The following TAOK1 variants were observed in gnomAD, a reference collection of about 807,000 sequenced individuals.
TAOK1 encodes TAO kinase 1, also known as serine/threonine-protein kinase TAO1.
TAOK1 carries 21 observed loss-of-function variants against 138.3 expected under a neutral mutation model. The observed-to-expected ratio is 0.15, with a 90% CI of 0.11 to 0.22. The LOEUF (loss-of-function observed/expected upper bound fraction) is 0.22. Among genes scored for constraint, TAOK1 ranks in the 10% least tolerant of loss-of-function variants. TAOK1 has a pLI of 1.00. For missense variants in TAOK1, 651 were observed against 1,227.7 expected (o/e 0.53, Z 7.02); for synonymous variants, 361 against 398.4 (o/e 0.91, Z 1.12).
chr17:29,445,580 TTTC>T (rs2030057548), intron 1 of TAOK1, among the ~76,000 whole-genome samples: 1 of 152,234 alleles, frequency 6.6e-6, no homozygotes, highest in Non-Finnish European at 1.5e-5. Context: ...TCTGTTTATA[TTTC>T]TTCTTTAGTA....
At chr17:29,498,274 T>G (rs770876428) in intron 11 of TAOK1, 44 bp from the exon 12 acceptor site, 14 of 1,594,574 alleles carry the variant, frequency 8.8e-6, no homozygotes, top group Non-Finnish European at 1.2e-5. Context: ...AAGAGAGAGA[T>G]ATATATTAAT....
intron 1 of TAOK1, among the ~76,000 whole-genome samples, chr17:29,450,969 A>C (rs994882761): frequency 2.6e-5 from 4 of 152,238 alleles, no homozygotes; most frequent in African/African-American, 9.6e-5. Context: ...AAGTTTATGG[A>C]GAAACAGTTG....
chr17:29,433,864 C>A (rs1011055053), intron 1 of TAOK1, among the ~76,000 whole-genome samples: 6 of 152,046 alleles, frequency 3.9e-5, no homozygotes, highest in Admixed American at 3.9e-4. Context: ...GGACGAAGAC[C>A]GATCTTAACT....
chr17:29,406,055 A>G (rs372597273), intron 1 of TAOK1, among the ~76,000 whole-genome samples: 2 of 152,278 alleles, frequency 1.3e-5, no homozygotes, highest in East Asian at 3.9e-4. Flanking sequence ...GTAAATACAT[A>G]CAATAGTGTA....
chr17:29,473,174 A>G (rs1046288475), intron 3 of TAOK1, among the ~76,000 whole-genome samples: 4 of 152,198 alleles, frequency 2.6e-5, no homozygotes, highest in Non-Finnish European at 5.9e-5. Flanking sequence ...GAGTTTTGGA[A>G]TGGTAAATGT....
intron 1 of TAOK1, among the ~76,000 whole-genome samples, chr17:29,446,263 A>G (rs746254451): frequency 6.6e-6 from 1 of 151,450 alleles, no homozygotes; most frequent in Non-Finnish European, 1.5e-5. Flanking sequence ...TTTGTTTTCT[A>G]TTTCACTAAT....
chr17:29,445,213 AT>A (rs1394736935), intron 1 of TAOK1: 1 of 152,302 alleles, frequency 6.6e-6, no homozygotes, highest in Non-Finnish European at 1.5e-5. Flanking sequence ...ATAAGCACAT[AT>A]GAAGAATGGG....
At chr17:29,510,780 A>G in intron 14 of TAOK1, 84 bp from the exon 15 acceptor site, 1 of 988,678 alleles carries the variant, frequency 1.0e-6, no homozygotes, top group African/African-American at 1.7e-5. Context: ...TTCTTAGAAA[A>G]TAAAAGGTAT....
At chr17:29,530,789 A>G (rs2032087434) in intron 18 of TAOK1, 170 bp downstream of exon 18, 3 of 633,066 alleles carry the variant, frequency 4.7e-6, no homozygotes, top group South Asian at 1.9e-5. Context: ...TGAAAATGTC[A>G]TGATGCATGT....
At position 29,493,541 on chromosome 17, in the gene TAOK1, A is replaced by T. The variant is rs550497547; in HGVS notation, c.831+1676A>T. 7.9e-5 allele frequency among the ~76,000 whole-genome samples: 12 copies of T among 152,114 alleles called. No individual in the cohort carries two copies. In the South Asian group the frequency reaches 2.5e-3, roughly 32 times the overall value. ...TGTGACTGGCTTCTTACATTTGCCA[A>T]ATAGAAGCAAAAGAAGCCTTTCTAA... is the stretch of plus-strand genomic sequence containing the variant. On this transcript the variant is annotated intron_variant, in intron 10 of 19. Coordinates refer to ENST00000261716, the MANE Select transcript of TAOK1 (RefSeq NM_020791.4).
intron 17 of TAOK1, among the ~76,000 whole-genome samples, chr17:29,529,973 G>C (rs1268334088): frequency 1.3e-5 from 2 of 151,576 alleles, no homozygotes; most frequent in Non-Finnish European, 1.5e-5. Context: ...GCTACAGTAA[G>C]CAATGGTTGC....
chr17:29,412,990 A>G (rs1905182312), intron 1 of TAOK1, among the ~76,000 whole-genome samples: 2 of 152,210 alleles, frequency 1.3e-5, no homozygotes, highest in Non-Finnish European at 2.9e-5. Context: ...GTAAGAATTC[A>G]TATCTTAATT....
intron 19 of TAOK1, among the ~76,000 whole-genome samples, chr17:29,541,563 G>T (rs1489915427): frequency 1.3e-5 from 2 of 150,610 alleles, no homozygotes; most frequent in Non-Finnish European, 3.0e-5. Flanking sequence ...ATCATCTGAG[G>T]TCAGCAGTTC....
At chr17:29,411,989 TTTCC>T (rs979784178) in intron 1 of TAOK1, among the ~76,000 whole-genome samples, 1 of 152,068 alleles carries the variant, frequency 6.6e-6, no homozygotes, top group African/African-American at 2.4e-5. Context: ...GCAGCTTGCT[TTTCC>T]TTCCTTCCTT....
chr17:29,471,665 A>G (rs2030822115), intron 3 of TAOK1, among the ~76,000 whole-genome samples: 1 of 152,152 alleles, frequency 6.6e-6, no homozygotes, highest in Non-Finnish European at 1.5e-5. Context: ...TCTTGCTTCC[A>G]TGTTGATGGC....
intron 9 of TAOK1, 75 bp from the exon 10 acceptor site, chr17:29,491,709 G>A: frequency 1.0e-6 from 1 of 1,004,092 alleles, no homozygotes; most frequent in African/African-American, 1.6e-5. Context: ...CCACCAATAG[G>A]CACGTGTCTT....
intron 2 of TAOK1, among the ~76,000 whole-genome samples, chr17:29,453,886 C>T (rs376761196): frequency 1.3e-5 from 2 of 151,342 alleles, no homozygotes; most frequent in Non-Finnish European, 2.9e-5. Context: ...TGGCTCACTA[C>T]GTCCTCAGCC....
intron 18 of TAOK1, among the ~76,000 whole-genome samples, chr17:29,531,592 G>C (rs570968085): frequency 6.6e-6 from 1 of 151,776 alleles, no homozygotes; most frequent in African/African-American, 2.4e-5. Context: ...GCGAAACCTC[G>C]TCTCTACTAA....
chr17:29,437,101 T>C (rs1906055934), intron 1 of TAOK1, among the ~76,000 whole-genome samples: 1 of 152,226 alleles, frequency 6.6e-6, no homozygotes, highest in Admixed American at 6.5e-5. Context: ...TCTGGCACTG[T>C]TGCCCGGGCT....
Sources: gnomAD v4.1 joint callset for allele counts (sites outside exome capture counted in the v4.1 genomes callset) on GRCh38, gnomAD v4.1.1 for gene constraint, MANE v1.5 for transcripts, NCBI Gene and HGNC (gene_info 2026-07-23, HGNC 2026-07-21) for gene names.